The following PPFIA2 variants were observed in gnomAD, a reference collection of about 807,000 sequenced individuals.
The protein encoded by PPFIA2 is liprin-alpha-2.
Under a neutral mutation model 175.5 loss-of-function variants are expected in PPFIA2, and 46 were observed. The observed-to-expected ratio is 0.26, with a 90% confidence interval of 0.21 to 0.34. The LOEUF is 0.34. PPFIA2 is among the 10% of genes least tolerant of loss of function. The pLI is 1.00. For synonymous variants in PPFIA2, 568 were observed against 511.4 expected (o/e 1.11, Z -1.49); for missense variants, 1,179 against 1,506.1 (o/e 0.78, Z 3.60).
intron 4 of PPFIA2, among the ~76,000 whole-genome samples, chr12:81,504,203 A>G (rs2147515734): frequency 6.6e-6 from 1 of 152,292 alleles, no homozygotes; most frequent in South Asian, 2.1e-4. Flanking sequence ...TATGGAAAGA[A>G]CAGGCAATCT....
chr12:81,582,850 T>G (rs2074620777), intron 4 of PPFIA2, among the ~76,000 whole-genome samples: 1 of 151,916 alleles, frequency 6.6e-6, no homozygotes, highest in Non-Finnish European at 1.5e-5. Flanking sequence ...TACATTTTCT[T>G]GGAATTTATG....
intron 4 of PPFIA2, among the ~76,000 whole-genome samples, chr12:81,466,075 C>T (rs547475830): frequency 6.6e-5 from 10 of 152,258 alleles, no homozygotes; most frequent in Non-Finnish European, 1.0e-4. Flanking sequence ...CTGGGCTAGA[C>T]AGCTTGAAGG....
chr12:81,433,637 G>A (rs2048482651), intron 7 of PPFIA2, among the ~76,000 whole-genome samples: 1 of 152,080 alleles, frequency 6.6e-6, no homozygotes, highest in Non-Finnish European at 1.5e-5. Context: ...GCTGTTTATT[G>A]AGCATACTGA....
chr12:81,710,375 G>A (rs1346947528), intron 3 of PPFIA2, among the ~76,000 whole-genome samples: 5 of 151,614 alleles, frequency 3.3e-5, no homozygotes, highest in Admixed American at 6.6e-5. Flanking sequence ...GCTATATATT[G>A]TATTTATAAA....
chr12:81,583,866 T>C (rs1307058224), intron 4 of PPFIA2, among the ~76,000 whole-genome samples: 4 of 152,050 alleles, frequency 2.6e-5, no homozygotes, highest in South Asian at 2.1e-4. Context: ...TCATGGCCCA[T>C]TGGCCAGCCA....
intron 4 of PPFIA2, among the ~76,000 whole-genome samples, chr12:81,477,773 A>C (rs1488311994): frequency 6.6e-6 from 1 of 152,132 alleles, no homozygotes; most frequent in Admixed American, 6.6e-5. Context: ...GTGGTGGATA[A>C]GCTTTTTGAT....
chr12:81,427,742 A>G (rs1191911411), intron 7 of PPFIA2, among the ~76,000 whole-genome samples: 1 of 152,060 alleles, frequency 6.6e-6, no homozygotes, highest in Middle Eastern at 3.2e-3. Flanking sequence ...TTTACTTTTG[A>G]GTCCAATAAT....
chr12:81,526,948 T>C (rs1445348976), intron 4 of PPFIA2, among the ~76,000 whole-genome samples: 1 of 152,154 alleles, frequency 6.6e-6, no homozygotes, highest in Non-Finnish European at 1.5e-5. Context: ...AATTATTCTC[T>C]GGGAGAATTT....
intron 4 of PPFIA2, among the ~76,000 whole-genome samples, chr12:81,609,376 G>A (rs1595573313): frequency 6.6e-6 from 1 of 152,044 alleles, no homozygotes; most frequent in East Asian, 1.9e-4. Flanking sequence ...GTGGGGCGTT[G>A]AAGTCTCCCA....
intron 18 of PPFIA2, among the ~76,000 whole-genome samples, chr12:81,345,665 C>G (rs2058945656): frequency 6.6e-6 from 1 of 152,068 alleles, no homozygotes; most frequent in African/African-American, 2.4e-5. Context: ...TCAAAGTATT[C>G]CTGCCTTGAA....
rs1167367530 is a variant in PPFIA2, at chr12:81,358,068, G to C, written c.1773+14C>G. ...TAAATAAAACTAGAGAAGAGTTGAAGTTAAAAGATTAACCTTTGGCTCATC... is the reference window on the plus strand; with the variant it reads ...TAAATAAAACTAGAGAAGAGTTGAACTTAAAAGATTAACCTTTGGCTCATC... On this transcript the variant is annotated intron_variant, in intron 16 of 32. Coordinates refer to ENST00000549396, the MANE Select transcript of PPFIA2 (RefSeq NM_003625.5). 1 of 1,570,172 alleles carries C rather than the reference G, an allele frequency of 6.4e-7. No individual in the cohort carries two copies. Among genetic ancestry groups the C allele is most frequent in the Non-Finnish European group, 8.6e-7 (1 of 1,160,968 alleles).
intron 4 of PPFIA2, among the ~76,000 whole-genome samples, chr12:81,605,622 C>G (rs1266275539): frequency 6.6e-6 from 1 of 150,818 alleles, no homozygotes; most frequent in Non-Finnish European, 1.5e-5. Context: ...ATATCACTAG[C>G]CTGTCTGTCT....
At chr12:81,645,674 A>G (rs1446132330) in intron 4 of PPFIA2, among the ~76,000 whole-genome samples, 1 of 152,270 alleles carries the variant, frequency 6.6e-6, no homozygotes, top group Non-Finnish European at 1.5e-5. Context: ...GAGGAAAGAC[A>G]GGACACACAA....
chr12:81,285,539 C>T (rs1169371879), intron 24 of PPFIA2, among the ~76,000 whole-genome samples: 3 of 151,736 alleles, frequency 2.0e-5, no homozygotes, highest in South Asian at 2.1e-4. Flanking sequence ...CACTACATAC[C>T]GACATTGTAG....
intron 7 of PPFIA2, among the ~76,000 whole-genome samples, chr12:81,432,876 A>G (rs1475085110): frequency 6.6e-6 from 1 of 152,178 alleles, no homozygotes; most frequent in Non-Finnish European, 1.5e-5. Flanking sequence ...TTAGAATCAC[A>G]TATTATATTA....
At chr12:81,618,190 T>C (rs1202844877) in intron 4 of PPFIA2, among the ~76,000 whole-genome samples, 2 of 152,150 alleles carry the variant, frequency 1.3e-5, no homozygotes, top group African/African-American at 4.8e-5. Flanking sequence ...CACTCCCACA[T>C]TACAGCTCTC....
At chr12:81,494,765 T>TA (rs1006203417) in intron 4 of PPFIA2, among the ~76,000 whole-genome samples, 2 of 151,400 alleles carry the variant, frequency 1.3e-5, no homozygotes, top group Admixed American at 6.6e-5. Context: ...TATGCAGCCA[T>TA]AAAAAAGGAT....
chr12:81,269,821 C>T (rs567834593), intron 28 of PPFIA2, among the ~76,000 whole-genome samples: 1 of 152,226 alleles, frequency 6.6e-6, no homozygotes, highest in South Asian at 2.1e-4. Flanking sequence ...TATCTAGCAT[C>T]CCATTGCATG....
chr12:81,566,173 C>G (rs921601549), intron 4 of PPFIA2, among the ~76,000 whole-genome samples: 2 of 152,046 alleles, frequency 1.3e-5, no homozygotes, highest in African/African-American at 4.8e-5. Flanking sequence ...TCCTCCTAGG[C>G]AAGAGGACCC....
Sources: gnomAD v4.1 joint callset for allele counts (sites outside exome capture counted in the v4.1 genomes callset) on GRCh38, gnomAD v4.1.1 for gene constraint, MANE v1.5 for transcripts, NCBI Gene and HGNC (gene_info 2026-07-23, HGNC 2026-07-21) for gene names.